The following PLCXD2 variants were observed in gnomAD, a reference collection of about 807,000 sequenced individuals.
The protein encoded by PLCXD2 is PI-PLC X domain-containing protein 2.
In PLCXD2, 21 loss-of-function variants were observed where a neutral mutation model predicts 28.6. The ratio of observed to expected loss-of-function variants is 0.73; its 90% CI spans 0.52 to 1.06. The LOEUF is 1.06. Ranked by LOEUF, PLCXD2 falls within the 50% of genes least tolerant of loss-of-function variation. The pLI is 0.00. For synonymous variants in PLCXD2, 140 were observed against 150.1 expected (o/e 0.93, Z 0.49); for missense variants, 369 against 376.7 (o/e 0.98, Z 0.17).
intron 3 of PLCXD2, chr3:111,723,861 G>GCT (rs1354713119): frequency 3.3e-5 from 5 of 152,102 alleles, no homozygotes; most frequent in Non-Finnish European, 5.9e-5. Context: ...TCAAAACAAG[G>GCT]CTCTCATACT....
rs1307359077 is a variant in PLCXD2, at chr3:111,714,103, G to A, written c.841G>A (p.Gly281Ser). Residue 281 changes from glycine (G) to serine (S), a missense_variant, in exon 3 of 5, where the codon GGC (glycine) becomes AGC (serine). Transcript: ENST00000477665. ...GACCATTGCCCGGGGCTTGGTTGGG[G>A]GCCTCAAGAACACGCTGGTTCATAG... is the stretch of plus-strand genomic sequence containing the variant. The A allele has an allele frequency of 3.7e-6, 6 of 1,613,904 alleles. No homozygotes were observed. The highest frequency in any genetic ancestry group is 1.6e-4 in the Middle Eastern group (1 of 6,084).
intron 2 of PLCXD2, 33 bp from the exon 3 acceptor site, chr3:111,713,854 A>AT (rs1941232348): frequency 1.3e-6 from 2 of 1,596,312 alleles, no homozygotes; most frequent in Non-Finnish European, 1.7e-6. Flanking sequence ...ATTTTTATGG[A>AT]TTGCTCTCCT....
intron 1 of PLCXD2, among the ~76,000 whole-genome samples, chr3:111,706,223 GT>G (rs1372531732): frequency 1.3e-5 from 2 of 152,022 alleles, no homozygotes; most frequent in Non-Finnish European, 2.9e-5. Context: ...TGATTATTTA[GT>G]TTTTTTGCTA....
At chr3:111,684,510 C>G (rs893318089) in intron 1 of PLCXD2, among the ~76,000 whole-genome samples, 1 of 151,712 alleles carries the variant, frequency 6.6e-6, no homozygotes, top group African/African-American at 2.4e-5. Flanking sequence ...AAAAATTAGC[C>G]AGGCATGATG....
chr3:111,698,905 G>A (rs757962684), intron 1 of PLCXD2, among the ~76,000 whole-genome samples: 5 of 152,066 alleles, frequency 3.3e-5, no homozygotes, highest in African/African-American at 7.3e-5. Context: ...AGATGTATCT[G>A]TACTTTGTAC....
At chr3:111,713,018 G>T (rs1941222279) in intron 2 of PLCXD2, among the ~76,000 whole-genome samples, 1 of 152,200 alleles carries the variant, frequency 6.6e-6, no homozygotes, top group African/African-American at 2.4e-5. Flanking sequence ...CCTGACTCAA[G>T]TGGCACACTC....
chr3:111,687,085 A>G (rs968509857), intron 1 of PLCXD2, among the ~76,000 whole-genome samples: 1 of 152,264 alleles, frequency 6.6e-6, no homozygotes, highest in African/African-American at 2.4e-5. Context: ...TGTTCATTCA[A>G]GTATCCATGC....
intron 2 of PLCXD2, among the ~76,000 whole-genome samples, chr3:111,709,467 T>TACACAC (rs10655649): frequency 6.0e-5 from 9 of 150,554 alleles, no homozygotes; most frequent in African/African-American, 2.0e-4. Flanking sequence ...TGTGTGTATA[T>TACACAC]ACACACACAC....
At chr3:111,704,803 T>C (rs539807159) in intron 1 of PLCXD2, among the ~76,000 whole-genome samples, 2 of 149,520 alleles carry the variant, frequency 1.3e-5, no homozygotes, top group African/African-American at 5.0e-5. Flanking sequence ...ACTTCATTCC[T>C]CCTATCTAGC....
At chr3:111,706,957 T>C (rs943429492) in intron 1 of PLCXD2, among the ~76,000 whole-genome samples, 1 of 152,176 alleles carries the variant, frequency 6.6e-6, no homozygotes, top group Non-Finnish European at 1.5e-5. Flanking sequence ...TTATTAGAGT[T>C]AAATAGGTAG....
intron 1 of PLCXD2, among the ~76,000 whole-genome samples, chr3:111,685,820 T>C (rs1008530501): frequency 5.3e-5 from 8 of 152,190 alleles, no homozygotes; most frequent in African/African-American, 1.9e-4. Context: ...ATGTCTTATT[T>C]GGAGTAGGGA....
At chr3:111,706,464 T>C (rs1042915266) in intron 1 of PLCXD2, among the ~76,000 whole-genome samples, 1 of 152,190 alleles carries the variant, frequency 6.6e-6, no homozygotes, top group Non-Finnish European at 1.5e-5. Context: ...TCTTGAAGCA[T>C]TTCTTCTATG....
intron 1 of PLCXD2, among the ~76,000 whole-genome samples, chr3:111,686,570 T>A (rs1317390390): frequency 6.6e-6 from 1 of 152,172 alleles, no homozygotes; most frequent in Non-Finnish European, 1.5e-5. Context: ...GACTACTAAG[T>A]GGCCCCCCTC....
Position 111,675,247 on chromosome 3 carries a change from T to TGCTA in PLCXD2, c.5_8dup (p.Val4_?3), listed in dbSNP as rs755728564. ...CTGGCCAGTTTGTTAACAACAGGGA[T>TGCTA]GCTAGCAGTTAGGAAGGCCAGGAGG... On this transcript the variant is annotated frameshift_variant and start_lost, in exon 1 of 5. Coordinates refer to ENST00000477665, the MANE Select transcript of PLCXD2 (RefSeq NM_001185106.1). LOFTEE classifies it high-confidence loss of function. 6.2e-7 allele frequency: 1 copy of TGCTA among 1,613,638 alleles called. No individual in the cohort carries two copies. The highest frequency in any genetic ancestry group is 2.2e-5 in the East Asian group (1 of 44,862).
chr3:111,726,497 T>C (rs1044053594), intron 3 of PLCXD2: 1 of 152,216 alleles, frequency 6.6e-6, no homozygotes, highest in Non-Finnish European at 1.5e-5. Context: ...CTAATAGATA[T>C]GCTATTTTGT....
intron 3 of PLCXD2, among the ~76,000 whole-genome samples, chr3:111,714,526 C>T (rs376831374): frequency 3.3e-5 from 5 of 152,278 alleles, no homozygotes; most frequent in African/African-American, 1.2e-4. Context: ...AGAGCTGGCC[C>T]TTCAAGAATT....
intron 2 of PLCXD2, among the ~76,000 whole-genome samples, chr3:111,708,606 T>C (rs900659725): frequency 3.3e-5 from 5 of 152,210 alleles, no homozygotes; most frequent in Non-Finnish European, 7.3e-5. Flanking sequence ...AGCAAACTGT[T>C]TGACATCTAA....
At chr3:111,718,794 T>A (rs1476879781) in intron 3 of PLCXD2, among the ~76,000 whole-genome samples, 2 of 152,214 alleles carry the variant, frequency 1.3e-5, no homozygotes, top group Non-Finnish European at 2.9e-5. Context: ...TATTGAGCTG[T>A]TTTTACTATG....
At chr3:111,688,855 AATG>A (rs1259497131) in intron 1 of PLCXD2, among the ~76,000 whole-genome samples, 1 of 139,272 alleles carries the variant, frequency 7.2e-6, no homozygotes, top group African/African-American at 2.9e-5. Flanking sequence ...TAAGATATAC[AATG>A]TGATTAGAAT....
Sources: allele counts gnomAD v4.1 joint callset (sites outside exome capture counted in the v4.1 genomes callset), GRCh38; gene constraint gnomAD v4.1.1; transcripts MANE v1.5; gene names NCBI Gene and HGNC (gene_info 2026-07-23, HGNC 2026-07-21).